The following MGAT5 variants were observed in gnomAD, a reference collection of about 807,000 sequenced individuals.
MGAT5 encodes the protein alpha-1,6-mannosylglycoprotein 6-beta-N-acetylglucosaminyltransferase, also known as alpha-1,6-mannosylglycoprotein 6-beta-N-acetylglucosaminyltransferase A.
In MGAT5, 30 loss-of-function variants were observed where a neutral mutation model predicts 94.3. The observed-to-expected ratio is 0.32, with a 90% CI of 0.24 to 0.43. MGAT5 has a LOEUF of 0.43. Ranked by LOEUF, MGAT5 falls within the 20% of genes least tolerant of loss-of-function variation. The pLI is 1.00. For missense variants in MGAT5, 691 were observed against 905.5 expected, an observed-to-expected ratio of 0.76 and a Z score of 3.04; for synonymous variants, 310 against 322.9, an observed-to-expected ratio of 0.96 and a Z score of 0.43.
intron 1 of MGAT5, among the ~76,000 whole-genome samples, chr2:134,137,648 C>T (rs538633926): frequency 5.9e-5 from 9 of 151,956 alleles, no homozygotes; most frequent in African/African-American, 9.7e-5. Flanking sequence ...ACAAATCCCT[C>T]GGATAACCAT....
chr2:134,422,984 C>G, intron 13 of MGAT5, 65 bp downstream of exon 13: 2 of 1,165,354 alleles, frequency 1.7e-6, no homozygotes, highest in South Asian at 1.3e-5. Context: ...TAAAACACAT[C>G]ATAGGTCCTT....
chr2:134,317,373 A>T (rs568078705), intron 2 of MGAT5, among the ~76,000 whole-genome samples, 156 bp from the exon 3 acceptor site: 58 of 152,168 alleles, frequency 3.8e-4, no homozygotes, highest in African/African-American at 1.3e-3. Flanking sequence ...GACCAGTTAG[A>T]TATATTGGAG....
intron 1 of MGAT5, among the ~76,000 whole-genome samples, chr2:134,124,709 C>A (rs926031264): frequency 6.6e-6 from 1 of 152,242 alleles, no homozygotes; most frequent in African/African-American, 2.4e-5. Context: ...GAGTGAGTTA[C>A]ACCCAAGTAC....
chr2:134,305,100 G>T (rs1395041242), intron 2 of MGAT5, among the ~76,000 whole-genome samples: 2 of 151,920 alleles, frequency 1.3e-5, no homozygotes, highest in African/African-American at 2.4e-5. Flanking sequence ...CATTCTCTCT[G>T]TCCTACTTTC....
At chr2:134,157,691 A>G (rs774036039) in intron 1 of MGAT5, among the ~76,000 whole-genome samples, 4 of 152,076 alleles carry the variant, frequency 2.6e-5, no homozygotes, top group Non-Finnish European at 4.4e-5. Context: ...ACAACTCACC[A>G]TAATGTAGAA....
chr2:134,382,344 T>C (rs1166147205), intron 10 of MGAT5, among the ~76,000 whole-genome samples: 2 of 152,260 alleles, frequency 1.3e-5, no homozygotes, highest in African/African-American at 2.4e-5. Flanking sequence ...CAGGTGATTA[T>C]AATATGCAAC....
intron 10 of MGAT5, among the ~76,000 whole-genome samples, chr2:134,397,918 A>G (rs1682812179): frequency 6.6e-6 from 1 of 152,168 alleles, no homozygotes; most frequent in Non-Finnish European, 1.5e-5. Flanking sequence ...CAGTAACAGT[A>G]AAGTACTCCC....
intron 14 of MGAT5, among the ~76,000 whole-genome samples, chr2:134,433,850 G>A (rs1410598958): frequency 1.1e-4 from 12 of 104,406 alleles, no homozygotes; most frequent in Non-Finnish European, 1.8e-4. Context: ...TTTTTTTTTT[G>A]CCAATTTCTG....
chr2:134,220,207 G>A (rs2105348800), intron 1 of MGAT5, among the ~76,000 whole-genome samples: 2 of 152,272 alleles, frequency 1.3e-5, no homozygotes, highest in African/African-American at 4.8e-5. Context: ...CTCTTCGATG[G>A]AAAACTAGTT....
rs1270090165 is a variant in MGAT5, at chr2:134,452,757, ATTTATTTAAAAGTAT to A, written c.*3915_*3929del. 1 of 152,216 alleles carries A rather than the reference ATTTATTTAAAAGTAT, an allele frequency of 6.6e-6. No individual in the cohort carries two copies. Among genetic ancestry groups the A allele is most frequent in the African/African-American group, 2.4e-5 (1 of 41,456 alleles). The allele number at this position is 152,216 out of a possible 1,614,324, so 9.4% of individuals were successfully genotyped here. A position where few individuals can be genotyped will look rare whatever the true frequency, so the allele number is the denominator to read the frequency against. On this transcript the variant is annotated 3_prime_UTR_variant, in exon 16 of 16. Transcript: ENST00000281923. ...TACTATCCCAAGCCTGGATTATTTT[ATTTATTTAAAAGTAT>A]TTTAATTTCCATATTGGCTTTATTC...
In MGAT5 at chr2:134,382,631, C is replaced by T. The variant is rs141448807; in HGVS notation, c.1380+20223C>T. Among the ~76,000 whole-genome samples, 5 of 152,300 alleles carry T rather than the reference C, an allele frequency of 3.3e-5. No individual in the cohort carries two copies. In the East Asian group the frequency reaches 9.6e-4, roughly 29 times the overall value. Reference sequence around the variant, plus strand: ...TAAGCCTGTACCTCCCCAGCTAATTCTTGGGCGTTCCAGGATTGAACACTA... The same window carrying T: ...TAAGCCTGTACCTCCCCAGCTAATTTTTGGGCGTTCCAGGATTGAACACTA... On this transcript the variant is annotated intron_variant, in intron 10 of 15. Transcript: ENST00000281923.
At chr2:134,179,725 C>A (rs951692315) in intron 1 of MGAT5, among the ~76,000 whole-genome samples, 1 of 152,170 alleles carries the variant, frequency 6.6e-6, no homozygotes, top group Non-Finnish European at 1.5e-5. Context: ...ACTTCTGAAT[C>A]TGTCAGAGGC....
At chr2:134,142,098 G>A (rs992024182) in intron 1 of MGAT5, among the ~76,000 whole-genome samples, 10 of 152,290 alleles carry the variant, frequency 6.6e-5, no homozygotes, top group African/African-American at 2.4e-4. Context: ...TGCAAGGGGA[G>A]GCTGACGCTT....
At chr2:134,261,445 A>G (rs1330806299) in intron 1 of MGAT5, among the ~76,000 whole-genome samples, 1 of 152,162 alleles carries the variant, frequency 6.6e-6, no homozygotes, top group East Asian at 1.9e-4. Flanking sequence ...TTCTAGGACA[A>G]GACTGTTGGG....
At chr2:134,189,599 T>TTTTGTTTTGTTTTG (rs1337434522) in intron 1 of MGAT5, among the ~76,000 whole-genome samples, 1 of 76,914 alleles carries the variant, frequency 1.3e-5, no homozygotes, top group Admixed American at 1.4e-4. Context: ...CTAGTTTTTT[T>TTTTGTTTTGTTTTG]TTGTTTTTTT....
chr2:134,402,586 G>A (rs753707574), intron 10 of MGAT5, among the ~76,000 whole-genome samples: 14 of 152,126 alleles, frequency 9.2e-5, no homozygotes, highest in East Asian at 5.8e-4. Flanking sequence ...TGCCTTCCCC[G>A]GGCTGTCCTT....
At chr2:134,292,111 C>T (rs1347511419) in intron 2 of MGAT5, among the ~76,000 whole-genome samples, 1 of 152,020 alleles carries the variant, frequency 6.6e-6, no homozygotes, top group East Asian at 1.9e-4. Flanking sequence ...GGAAACATTT[C>T]TTTATCTTGC....
intron 1 of MGAT5, among the ~76,000 whole-genome samples, chr2:134,186,511 A>G (rs528750544): frequency 1.1e-4 from 16 of 152,206 alleles, no homozygotes; most frequent in South Asian, 6.2e-4. Context: ...TTTTGCATAC[A>G]TGTTGGGTTG....
chr2:134,128,728 T>C (rs574478866), intron 1 of MGAT5, among the ~76,000 whole-genome samples: 1 of 152,168 alleles, frequency 6.6e-6, no homozygotes, highest in African/African-American at 2.4e-5. Flanking sequence ...CTGGCTAAAT[T>C]TTTAAAAAAA....
Sources: gnomAD v4.1 joint callset for allele counts (sites outside exome capture counted in the v4.1 genomes callset) on GRCh38, gnomAD v4.1.1 for gene constraint, MANE v1.5 for transcripts, NCBI Gene and HGNC (gene_info 2026-07-23, HGNC 2026-07-21) for gene names.